MAP3K14: variants seen among roughly 807,000 people sequenced by gnomAD.
MAP3K14 encodes the protein mitogen-activated protein kinase kinase kinase 14.
A neutral mutation model predicts 99.2 loss-of-function variants in MAP3K14; 16 were observed. The ratio of observed to expected loss-of-function variants is 0.16; its 90% CI spans 0.11 to 0.24. The LOEUF (loss-of-function observed/expected upper bound fraction) is 0.24. Ranked by LOEUF, MAP3K14 falls within the 10% of genes least tolerant of loss-of-function variation. The pLI, the probability that MAP3K14 is intolerant of heterozygous loss-of-function variation, is 1.00. For synonymous variants in MAP3K14, 462 were observed against 492.4 expected (o/e 0.94, Z 0.82); for missense variants, 784 against 1,208.7 (o/e 0.65, Z 5.21).
intron 1 of MAP3K14, among the ~76,000 whole-genome samples, chr17:45,295,112 T>C (rs2044337508): frequency 6.6e-6 from 1 of 152,254 alleles, no homozygotes; most frequent in Non-Finnish European, 1.5e-5. Context: ...TCTTCACAGA[T>C]GATAACCTTT....
chr17:45,269,984 T>C (rs1441410983), intron 11 of MAP3K14, among the ~76,000 whole-genome samples: 1 of 152,046 alleles, frequency 6.6e-6, no homozygotes, highest in East Asian at 1.9e-4. Context: ...GGGTGCAGTC[T>C]TGGGGATCGA....
Position 45,289,252 on chromosome 17 carries a change from C to T in MAP3K14, c.310G>A (p.Gly104Arg), listed in dbSNP as rs1303193256. ...PTFSERIFIA[G>R]SKQYSQSESL... Reference sequence around the variant, plus strand: ...CCTGCTTACCTGTACTGTTTGGACCCAGCGATGAAAATGCGTTCTGAAAAG... The same window carrying T: ...CCTGCTTACCTGTACTGTTTGGACCTAGCGATGAAAATGCGTTCTGAAAAG... The change falls in exon 3 of 16, where the codon GGG becomes AGG. Residue 104 changes from glycine to arginine, a missense_variant. Gly to Arg is a moderately radical substitution (Grantham distance 125, BLOSUM62 -2). Coordinates refer to ENST00000344686, the MANE Select transcript of MAP3K14 (RefSeq NM_003954.5). 1.2e-6 allele frequency: 2 copies of T among 1,613,818 alleles called. No individual in the cohort carries two copies. The highest frequency in any genetic ancestry group is 1.7e-6 in the Non-Finnish European group (2 of 1,179,868).
chr17:45,289,386 C>T, intron 2 of MAP3K14, 81 bp from the exon 3 acceptor site: 1 of 1,143,292 alleles, frequency 8.7e-7, no homozygotes, highest in Non-Finnish European at 1.3e-6. Context: ...TTACAGAGAT[C>T]CCCTCTGGCG....
chr17:45,276,496 G>A (rs940540516), intron 6 of MAP3K14, among the ~76,000 whole-genome samples: 2 of 151,692 alleles, frequency 1.3e-5, no homozygotes, highest in African/African-American at 4.9e-5. Context: ...CAGAGAAGCT[G>A]ATACTTAGAC....
At chr17:45,310,469 C>T (rs1482387982) in intron 1 of MAP3K14, among the ~76,000 whole-genome samples, 6 of 152,168 alleles carry the variant, frequency 3.9e-5, no homozygotes, top group African/African-American at 1.4e-4. Context: ...TAAAAGGAAA[C>T]TTTAATGTCA....
intron 1 of MAP3K14, among the ~76,000 whole-genome samples, chr17:45,304,499 CTT>C (rs1363348674): frequency 2.0e-5 from 3 of 152,120 alleles, no homozygotes; most frequent in African/African-American, 7.2e-5. Context: ...CTGGGTGACT[CTT>C]TTGTTAATGG....
At chr17:45,302,658 G>A (rs2044399592) in intron 1 of MAP3K14, among the ~76,000 whole-genome samples, 1 of 152,206 alleles carries the variant, frequency 6.6e-6, no homozygotes, top group African/African-American at 2.4e-5. Flanking sequence ...CTCTTGGCAT[G>A]GGATGAGAAT....
chr17:45,264,440 TG>T lies in MAP3K14; in HGVS notation c.*195del. Reference sequence around the variant, plus strand: ...GTGGCGGAGTGTTTTCTCAGCAGGGTGGGGCAGGGCTCAGGTGTGAAATCCT... The same window carrying T: ...GTGGCGGAGTGTTTTCTCAGCAGGGTGGGCAGGGCTCAGGTGTGAAATCCT... On this transcript the variant is annotated 3_prime_UTR_variant, in exon 16 of 16. Coordinates refer to ENST00000344686, the MANE Select transcript of MAP3K14 (RefSeq NM_003954.5). 1.7e-6 allele frequency: 1 copy of T among 605,116 alleles called. No individual in the cohort carries two copies. Among genetic ancestry groups the T allele is most frequent in the Non-Finnish European group, 2.8e-6 (1 of 355,462 alleles). The allele number at this position is 605,116 out of a possible 1,614,324, so 37.5% of individuals were successfully genotyped here.
At chr17:45,289,791 G>A (rs879795057) in intron 2 of MAP3K14, among the ~76,000 whole-genome samples, 5 of 152,132 alleles carry the variant, frequency 3.3e-5, no homozygotes, top group African/African-American at 9.7e-5. Context: ...AGTGGGAGAC[G>A]AGGGCAGGAT....
intron 6 of MAP3K14, among the ~76,000 whole-genome samples, chr17:45,277,123 C>T (rs966120780): frequency 3.9e-5 from 6 of 152,242 alleles, no homozygotes; most frequent in South Asian, 4.2e-4. Context: ...CCACTGCGCA[C>T]GGCCTCTTAG....
intron 3 of MAP3K14, 25 bp downstream of exon 3, chr17:45,289,211 A>C (rs538139558): frequency 8.1e-6 from 13 of 1,610,842 alleles, no homozygotes; most frequent in Non-Finnish European, 1.1e-5. Context: ...CCACCTTCCC[A>C]CTCAGGCTTG....
chr17:45,287,206 G>C lies in MAP3K14; in HGVS notation c.485C>G (p.Ala162Gly). Residue 162 changes from alanine (A) to glycine (G), a missense_variant, in exon 4 of 16, where the codon GCC (alanine) becomes GGC (glycine). This residue lies in a region of MAP3K14 where 188 missense variants were observed against 313.0 expected (regional missense o/e 0.60). Coordinates refer to ENST00000344686, the MANE Select transcript of MAP3K14 (RefSeq NM_003954.5). ...CTCAGGGGTCCTGGGGAGGGGTTTG[G>C]CCAAGGCCACTCCTGCATGAGCCAG... Reference protein sequence around the residue: ...KSLAHAGVALAKPLPRTPEQE... With the variant: ...KSLAHAGVALGKPLPRTPEQE... The C allele has an allele frequency of 1.2e-6, 2 of 1,613,958 alleles. No individual in the cohort carries two copies. The highest frequency in any genetic ancestry group is 1.7e-6 in the Non-Finnish European group (2 of 1,179,872).
At chr17:45,292,396 C>T (rs2044317557) in intron 1 of MAP3K14, among the ~76,000 whole-genome samples, 1 of 152,030 alleles carries the variant, frequency 6.6e-6, no homozygotes, top group African/African-American at 2.4e-5. Context: ...GGAACCCTGT[C>T]TCTACAAAAA....
intron 10 of MAP3K14, 36 bp from the exon 11 acceptor site, chr17:45,270,599 C>T (rs1598243646): frequency 6.6e-7 from 1 of 1,512,144 alleles, no homozygotes; most frequent in East Asian, 2.3e-5. Flanking sequence ...GGCCTGCCTT[C>T]CCTCATTTCC....
intron 1 of MAP3K14, among the ~76,000 whole-genome samples, chr17:45,311,463 G>C (rs188151609): frequency 1.8e-4 from 27 of 152,334 alleles, no homozygotes; most frequent in African/African-American, 6.3e-4. Context: ...AACTGCACTA[G>C]TCCAGAACAG....
chr17:45,266,285 C>A (rs989426487), intron 14 of MAP3K14: 9 of 409,254 alleles, frequency 2.2e-5, no homozygotes, highest in South Asian at 7.7e-5. Flanking sequence ...GCTAGGGGAA[C>A]CTTCTGGGAC....
At chr17:45,266,102 T>G (rs1369517078) in intron 14 of MAP3K14, 1 of 156,610 alleles carries the variant, frequency 6.4e-6, no homozygotes, top group East Asian at 1.9e-4. Flanking sequence ...CAATCAAGCT[T>G]GAAAACGAAG....
chr17:45,271,471 A>G (rs1456064315), intron 9 of MAP3K14, among the ~76,000 whole-genome samples: 1 of 152,090 alleles, frequency 6.6e-6, no homozygotes, highest in Non-Finnish European at 1.5e-5. Context: ...TCAGCCTCCC[A>G]AGTAGCTGGA....
rs1217447774 is a variant in MAP3K14, at chr17:45,286,415, C to T, written c.1152+16G>A. The T allele has an allele frequency of 6.4e-7, 1 of 1,570,338 alleles. No individual in the cohort carries two copies. The highest frequency in any genetic ancestry group is 2.3e-5 in the East Asian group (1 of 44,124). ...GCTGGTAGAGGGACATATACAGGTG[C>T]CGGGGGATTAGTTACCTCAGTGAGC... On this transcript the variant is annotated intron_variant, in intron 5 of 15. Transcript: ENST00000344686. This position sits in a 1 kb window ranked among gnomAD's most constrained non-coding sequence, Gnocchi z 4.1.
Sources: gnomAD v4.1 joint callset for allele counts (sites outside exome capture counted in the v4.1 genomes callset) on GRCh38, gnomAD v4.1.1 for gene constraint, gnomAD v4.1.1 regional missense constraint, Gnocchi (gnomAD v3.1) non-coding constraint, MANE v1.5 for transcripts, NCBI Gene and HGNC (gene_info 2026-07-23, HGNC 2026-07-21) for gene names.